SGCD: variants seen among roughly 807,000 people sequenced by gnomAD.
SGCD encodes delta-sarcoglycan.
Under a neutral mutation model 36.6 loss-of-function variants are expected in SGCD, and 18 were observed. The ratio of observed to expected loss-of-function variants is 0.49; its 90% CI spans 0.34 to 0.73. SGCD has a LOEUF of 0.73. SGCD is among the 30% of genes least tolerant of loss of function. The probability of loss-of-function intolerance (pLI) is 0.01; values close to 1 mark genes in which losing one functional copy is unlikely to be tolerated. For missense variants in SGCD, 387 were observed against 346.7 expected (o/e 1.12, Z -0.92); for synonymous variants, 133 against 130.6 (o/e 1.02, Z -0.12).
intron 1 of SGCD, among the ~76,000 whole-genome samples, chr5:155,928,171 C>A (rs568851891): frequency 6.4e-4 from 97 of 152,196 alleles, no homozygotes; most frequent in Non-Finnish European, 1.0e-3. Context: ...TTTTTTGATG[C>A]CCCACTTCCT....
intron 1 of SGCD, among the ~76,000 whole-genome samples, chr5:156,078,583 A>ATATATATT (rs1554117602): frequency 7.1e-6 from 1 of 139,876 alleles, no homozygotes; most frequent in Non-Finnish European, 1.5e-5. Context: ...TTATATTTAT[A>ATATATATT]TATATTTATA....
At chr5:155,971,408 C>T (rs1397691601) in intron 1 of SGCD, among the ~76,000 whole-genome samples, 1 of 152,146 alleles carries the variant, frequency 6.6e-6, no homozygotes, top group Admixed American at 6.6e-5. Flanking sequence ...AAAATGCTAA[C>T]AGCAGTACCA....
chr5:156,261,644 T>C (rs988493975), intron 3 of SGCD, among the ~76,000 whole-genome samples: 5 of 152,228 alleles, frequency 3.3e-5, no homozygotes, highest in Non-Finnish European at 5.9e-5. Flanking sequence ...AAAAGTTAAC[T>C]GTAAAATAGC....
At chr5:156,363,441 A>T (rs550285026) in intron 3 of SGCD, among the ~76,000 whole-genome samples, 1 of 152,182 alleles carries the variant, frequency 6.6e-6, no homozygotes, top group Non-Finnish European at 1.5e-5. Context: ...TTAAAATATG[A>T]TTTTGGTATG....
chr5:155,924,651 TA>T (rs1467472534), intron 1 of SGCD, among the ~76,000 whole-genome samples: 1 of 152,228 alleles, frequency 6.6e-6, no homozygotes, highest in African/African-American at 2.4e-5. Flanking sequence ...TGCTCTGTGC[TA>T]ATTGAGAATC....
At chr5:156,378,920 A>T (rs1770823865) in intron 3 of SGCD, among the ~76,000 whole-genome samples, 1 of 152,186 alleles carries the variant, frequency 6.6e-6, no homozygotes. Context: ...TAAAATCACC[A>T]TCCCAGATAC....
chr5:156,111,196 G>A (rs918531355), intron 1 of SGCD, among the ~76,000 whole-genome samples: 7 of 152,104 alleles, frequency 4.6e-5, no homozygotes, highest in African/African-American at 7.2e-5. Context: ...GTCAAAGTGC[G>A]TATCTTCTAT....
intron 4 of SGCD, among the ~76,000 whole-genome samples, chr5:156,510,761 T>A (rs1235029651): frequency 6.6e-6 from 1 of 152,104 alleles, no homozygotes; most frequent in Non-Finnish European, 1.5e-5. Context: ...AGACTGGAAG[T>A]GGTAAAAGGT....
At chr5:156,420,085 C>T (rs971371492) in intron 3 of SGCD, among the ~76,000 whole-genome samples, 1 of 152,088 alleles carries the variant, frequency 6.6e-6, no homozygotes, top group South Asian at 2.1e-4. Context: ...GTTTTCTCAA[C>T]CTCTGGCCAT....
intron 3 of SGCD, among the ~76,000 whole-genome samples, chr5:156,414,745 A>C (rs764286767): frequency 1.8e-4 from 28 of 152,252 alleles, no homozygotes; most frequent in Non-Finnish European, 3.5e-4. Flanking sequence ...GTTATTAAAC[A>C]ACAATTAAAT....
At chr5:156,406,636 A>G (rs1580940746) in intron 3 of SGCD, among the ~76,000 whole-genome samples, 1 of 151,744 alleles carries the variant, frequency 6.6e-6, no homozygotes, top group East Asian at 1.9e-4. Context: ...TCCCTGCAGT[A>G]ATCATTTTAT....
intron 1 of SGCD, among the ~76,000 whole-genome samples, chr5:156,026,936 A>G (rs1048136874): frequency 6.6e-6 from 1 of 152,174 alleles, no homozygotes; most frequent in African/African-American, 2.4e-5. Flanking sequence ...AAAAATATGA[A>G]TGAATTGGTG....
At chr5:156,212,571 T>G (rs2127641676) in intron 3 of SGCD, among the ~76,000 whole-genome samples, 1 of 152,180 alleles carries the variant, frequency 6.6e-6, no homozygotes, top group South Asian at 2.1e-4. Context: ...ATACCCCAAT[T>G]TTAGCCATGA....
At chr5:156,090,533 C>T (rs1316235605) in intron 1 of SGCD, among the ~76,000 whole-genome samples, 1 of 152,154 alleles carries the variant, frequency 6.6e-6, no homozygotes, top group Non-Finnish European at 1.5e-5. Context: ...AGCAAGATCA[C>T]AAGGCAAGGG....
intron 3 of SGCD, among the ~76,000 whole-genome samples, chr5:156,369,772 T>C (rs1454650443): frequency 6.6e-6 from 1 of 152,094 alleles, no homozygotes; most frequent in African/African-American, 2.4e-5. Context: ...TAATAGACAT[T>C]GGGGGTTTAA....
At chr5:155,984,353 G>A (rs372883740) in intron 1 of SGCD, among the ~76,000 whole-genome samples, 5 of 152,232 alleles carry the variant, frequency 3.3e-5, no homozygotes, top group African/African-American at 4.8e-5. Context: ...AAATCTGTTC[G>A]TGATCTAAAA....
intron 3 of SGCD, among the ~76,000 whole-genome samples, chr5:156,417,026 C>A (rs1773082331): frequency 6.6e-6 from 1 of 152,014 alleles, no homozygotes; most frequent in South Asian, 2.1e-4. Context: ...TGCCAAGAAA[C>A]TTCTTTTGTA....
chr5:156,310,570 C>A (rs180985400), intron 3 of SGCD, among the ~76,000 whole-genome samples: 1 of 152,280 alleles, frequency 6.6e-6, no homozygotes, highest in African/African-American at 2.4e-5. Flanking sequence ...CTGGAAATAG[C>A]AAGCCTTTAG....
intron 3 of SGCD, among the ~76,000 whole-genome samples, chr5:156,190,055 G>T (rs548824480): frequency 6.6e-6 from 1 of 152,216 alleles, no homozygotes; most frequent in South Asian, 2.1e-4. Flanking sequence ...ACCTACATAT[G>T]GGCATTTCAT....
Sources: allele counts gnomAD v4.1 joint callset (sites outside exome capture counted in the v4.1 genomes callset), GRCh38; gene constraint gnomAD v4.1.1; transcripts MANE v1.5; gene names NCBI Gene and HGNC (gene_info 2026-07-23, HGNC 2026-07-21).